The following PICALM variants were observed in gnomAD, a reference collection of about 807,000 sequenced individuals.
PICALM encodes the protein phosphatidylinositol-binding clathrin assembly protein.
PICALM carries 40 observed loss-of-function variants against 80.5 expected under a neutral mutation model. That is an observed-to-expected ratio of 0.50 (90% CI 0.39 to 0.65). The LOEUF is 0.65. Among genes scored for constraint, PICALM ranks in the 30% least tolerant of loss-of-function variants. The pLI is 0.00. For missense variants in PICALM, 676 were observed against 778.9 expected (o/e 0.87, Z 1.57); for synonymous variants, 288 against 260.3 (o/e 1.11, Z -1.02).
At chr11:86,042,970 C>G (rs140000824) in intron 1 of PICALM, among the ~76,000 whole-genome samples, 1 of 152,040 alleles carries the variant, frequency 6.6e-6, no homozygotes, top group South Asian at 2.1e-4. Flanking sequence ...GGGACTAAGT[C>G]TGGAGAAAAG....
chr11:85,981,423 C>T (rs764133986), intron 16 of PICALM, among the ~76,000 whole-genome samples, 195 bp from the exon 17 acceptor site: 2 of 151,890 alleles, frequency 1.3e-5, no homozygotes, highest in Non-Finnish European at 2.9e-5. Context: ...CTGGCTAACA[C>T]GGCGAAACCC....
chr11:86,047,063 A>G (rs1282421862), intron 1 of PICALM, among the ~76,000 whole-genome samples: 5 of 152,264 alleles, frequency 3.3e-5, no homozygotes, highest in African/African-American at 1.2e-4. Context: ...ATACTTGTCT[A>G]AAGTAGCACA....
At chr11:86,024,408 C>T (rs559390682) in intron 3 of PICALM, among the ~76,000 whole-genome samples, 53 of 146,630 alleles carry the variant, frequency 3.6e-4, no homozygotes, top group African/African-American at 1.3e-3. Context: ...CAAATACAGC[C>T]AGTCACATTA....
At chr11:85,961,611 A>G (rs1249914682) in intron 19 of PICALM, among the ~76,000 whole-genome samples, 2 of 152,248 alleles carry the variant, frequency 1.3e-5, no homozygotes, top group Admixed American at 6.5e-5. Flanking sequence ...TTAAGCTGAC[A>G]TGAGCGTTTC....
chr11:86,009,546 G>C (rs1043287363), intron 7 of PICALM, among the ~76,000 whole-genome samples: 9 of 152,114 alleles, frequency 5.9e-5, no homozygotes, highest in East Asian at 5.8e-4. Context: ...ACAAAAATTA[G>C]CCGGGTGTGG....
chr11:86,057,453 C>T (rs1269640710), intron 1 of PICALM, among the ~76,000 whole-genome samples: 2 of 152,088 alleles, frequency 1.3e-5, no homozygotes, highest in African/African-American at 4.8e-5. Flanking sequence ...ACAGGAGAAT[C>T]GCTTGAACCC....
chr11:86,067,444 G>C (rs937577936), intron 1 of PICALM, among the ~76,000 whole-genome samples: 1 of 152,100 alleles, frequency 6.6e-6, no homozygotes, highest in African/African-American at 2.4e-5. Context: ...TTTGTACCCT[G>C]GGGTAAAAGA....
chr11:86,023,617 C>CA, intron 3 of PICALM: 1 of 974,676 alleles, frequency 1.0e-6, no homozygotes, highest in Non-Finnish European at 1.2e-6. Context: ...AATGATAAAT[C>CA]AGTCGCTAAT....
chr11:86,053,315 A>G (rs2096220222), intron 1 of PICALM, among the ~76,000 whole-genome samples: 1 of 152,200 alleles, frequency 6.6e-6, no homozygotes, highest in African/African-American at 2.4e-5. Context: ...ACATGTCCAA[A>G]TAAGGCAAAC....
chr11:86,010,839 A>C (rs1592880517), intron 7 of PICALM, among the ~76,000 whole-genome samples, 191 bp downstream of exon 7: 1 of 152,364 alleles, frequency 6.6e-6, no homozygotes, highest in African/African-American at 2.4e-5. Context: ...CTATTGAATT[A>C]AATTTACAGC....
At position 85,981,614 on chromosome 11, in the gene PICALM, A is replaced by G. The variant is rs116431499; in HGVS notation, c.1679+131T>C. On this transcript the variant is annotated intron_variant, in intron 16 of 19. Coordinates refer to ENST00000393346, the MANE Select transcript of PICALM (RefSeq NM_007166.4). Reference sequence around the variant, plus strand: ...AGAGCGAGACTCCGTGTCAAAAAAAAAAAAAAAAGATGCAGACTTGATATC... The same window carrying G: ...AGAGCGAGACTCCGTGTCAAAAAAAGAAAAAAAAGATGCAGACTTGATATC... 2,697 of 706,894 alleles carry G rather than the reference A, an allele frequency of 3.8e-3. 64 individuals are homozygous for G. The African/African-American group carries it at 0.044, about 12-fold the overall frequency. 43.8% of individuals were successfully genotyped at this position (706,894 alleles called of 1,614,324 possible). A position where few individuals can be genotyped will look rare whatever the true frequency, so the allele number is the denominator to read the frequency against.
At position 86,000,550 on chromosome 11, in the gene PICALM, A is replaced by G. The variant is rs896603452; in HGVS notation, c.1154+93T>C. On this transcript the variant is annotated intron_variant, in intron 11 of 19. Coordinates refer to ENST00000393346, the MANE Select transcript of PICALM (RefSeq NM_007166.4). The stretch of plus-strand genomic sequence containing the variant: ...CTTTGTGTGAATAGATTATAAAAGC[A>G]TAAATAAAAGTAAACCTGAAAAGTT... 4.2e-6 allele frequency: 4 copies of G among 948,152 alleles called. No homozygotes were observed. In the African/African-American group the frequency reaches 6.6e-5, roughly 16 times the overall value. The allele number at this position is 948,152 out of a possible 1,614,324, so 58.7% of individuals were successfully genotyped here.
At chr11:85,997,160 G>A (rs2136027421) in intron 11 of PICALM, among the ~76,000 whole-genome samples, 1 of 152,180 alleles carries the variant, frequency 6.6e-6, no homozygotes, top group South Asian at 2.1e-4. Flanking sequence ...AAGAACAGTA[G>A]CTCTTCTGAA....
intron 3 of PICALM, among the ~76,000 whole-genome samples, chr11:86,023,759 G>A (rs1014261710): frequency 6.6e-6 from 1 of 152,142 alleles, no homozygotes; most frequent in Admixed American, 6.5e-5. Context: ...AGGATGAGTA[G>A]GCAGTTTCTT....
At chr11:86,018,568 C>T (rs2095516091) in intron 4 of PICALM, among the ~76,000 whole-genome samples, 1 of 152,102 alleles carries the variant, frequency 6.6e-6, no homozygotes, top group African/African-American at 2.4e-5. Context: ...ACACCTGCAA[C>T]ATAATTCTAC....
intron 9 of PICALM, 102 bp from the exon 10 acceptor site, chr11:86,001,260 A>C: frequency 9.6e-7 from 1 of 1,038,786 alleles, no homozygotes; most frequent in Admixed American, 2.3e-5. Flanking sequence ...TAGGCACTAT[A>C]ATTATAAACT....
chr11:86,010,647 C>T (rs2095377768), intron 7 of PICALM, among the ~76,000 whole-genome samples: 1 of 152,078 alleles, frequency 6.6e-6, no homozygotes, highest in Non-Finnish European at 1.5e-5. Context: ...AACTATGGCT[C>T]CAGCTGTCTC....
intron 19 of PICALM, among the ~76,000 whole-genome samples, chr11:85,973,653 A>T (rs2094180466): frequency 6.6e-6 from 1 of 152,178 alleles, no homozygotes; most frequent in Non-Finnish European, 1.5e-5. Context: ...CAAAGAGAAG[A>T]GGGGACTACC....
chr11:86,066,293 C>T (rs1172184392), intron 1 of PICALM, among the ~76,000 whole-genome samples: 3 of 152,136 alleles, frequency 2.0e-5, no homozygotes, highest in African/African-American at 7.2e-5. Flanking sequence ...TTTTAATCAA[C>T]AATGTAGGGA....
Sources: allele counts gnomAD v4.1 joint callset (sites outside exome capture counted in the v4.1 genomes callset), GRCh38; gene constraint gnomAD v4.1.1; transcripts MANE v1.5; gene names NCBI Gene and HGNC (gene_info 2026-07-23, HGNC 2026-07-21).